The following LARP1B variants were observed in gnomAD, a reference collection of about 807,000 sequenced individuals.
LARP1B encodes la-related protein 1B.
LARP1B carries 76 observed loss-of-function variants against 114.2 expected under a neutral mutation model. That is an observed-to-expected ratio of 0.67 (90% CI 0.55 to 0.81). The LOEUF is 0.81. Ranked by LOEUF, LARP1B falls within the 30% of genes least tolerant of loss-of-function variation. The pLI is 0.00. For missense variants in LARP1B, 1,014 were observed against 1,075.8 expected (o/e 0.94, Z 0.80); for synonymous variants, 345 against 348.0 (o/e 0.99, Z 0.10).
At chr4:128,131,417 G>A (rs940237864) in intron 11 of LARP1B, among the ~76,000 whole-genome samples, 15 of 152,172 alleles carry the variant, frequency 9.9e-5, no homozygotes, top group Admixed American at 8.5e-4. Flanking sequence ...GTTTTTACCA[G>A]TCTGTGTGTG....
At chr4:128,175,944 A>G (rs1257051332) in intron 12 of LARP1B, among the ~76,000 whole-genome samples, 2 of 151,556 alleles carry the variant, frequency 1.3e-5, no homozygotes, top group African/African-American at 4.8e-5. Context: ...TTTATAGACC[A>G]TAATCTAGGT....
intron 11 of LARP1B, among the ~76,000 whole-genome samples, chr4:128,140,059 A>G (rs905499236): frequency 2.6e-5 from 4 of 152,226 alleles, no homozygotes; most frequent in Non-Finnish European, 4.4e-5. Context: ...AAGACTTAGT[A>G]ACAAAAAGGA....
At chr4:128,069,607 C>T in intron 1 of LARP1B, 2 of 683,648 alleles carry the variant, frequency 2.9e-6, no homozygotes, top group East Asian at 2.6e-5. Context: ...ACTTGTATGC[C>T]CCCATCTTGG....
chr4:128,076,894 T>G (rs1458328572), intron 3 of LARP1B, among the ~76,000 whole-genome samples: 1 of 151,938 alleles, frequency 6.6e-6, no homozygotes, highest in Non-Finnish European at 1.5e-5. Context: ...CCTGGCTAAT[T>G]TTTTTGTATT....
At chr4:128,201,062 A>G (rs1002402519) in intron 17 of LARP1B, among the ~76,000 whole-genome samples, 1 of 152,140 alleles carries the variant, frequency 6.6e-6, no homozygotes, top group Non-Finnish European at 1.5e-5. Context: ...GCTCATTCAC[A>G]TGGCTCTTGG....
intron 12 of LARP1B, among the ~76,000 whole-genome samples, chr4:128,171,839 A>G (rs928535777): frequency 6.6e-6 from 1 of 151,838 alleles, no homozygotes; most frequent in East Asian, 1.9e-4. Flanking sequence ...TCTGTCCTCC[A>G]TGGTTTTTGG....
intron 11 of LARP1B, among the ~76,000 whole-genome samples, chr4:128,153,086 G>T (rs1256999609): frequency 6.9e-6 from 1 of 144,782 alleles, no homozygotes; most frequent in African/African-American, 2.6e-5. Flanking sequence ...GGGTTCAAGC[G>T]ATTCTCCTGT....
At chr4:128,128,048 A>G (rs1414046513) in intron 11 of LARP1B, among the ~76,000 whole-genome samples, 1 of 152,212 alleles carries the variant, frequency 6.6e-6, no homozygotes, top group African/African-American at 2.4e-5. Flanking sequence ...TGTTTCAACA[A>G]CTGGGACTCT....
chr4:128,127,640 C>G (rs1790081352), intron 11 of LARP1B, among the ~76,000 whole-genome samples: 2 of 152,146 alleles, frequency 1.3e-5, no homozygotes, highest in South Asian at 4.1e-4. Flanking sequence ...TGGAGACCAG[C>G]CTGACCAACA....
At chr4:128,137,791 A>ATATATATATATATT (rs1414155026) in intron 11 of LARP1B, among the ~76,000 whole-genome samples, 6 of 63,558 alleles carry the variant, frequency 9.4e-5, no homozygotes, top group African/African-American at 2.9e-4. Context: ...ATATATATAT[A>ATATATATATATATT]TTTTTTTTTT....
In LARP1B at chr4:128,073,059, G is replaced by C. The variant is rs557174835; in HGVS notation, c.-77-1401G>C. 1.8e-4 allele frequency among the ~76,000 whole-genome samples: 28 copies of C among 152,188 alleles called. No individual in the cohort carries two copies. In the South Asian group the frequency reaches 5.6e-3, roughly 30 times the overall value. ...TTTCTTGATTCCTAGATAATTTCCT[G>C]AAAATGGAATTCTTTTATTAAAAGT... On this transcript the variant is annotated intron_variant, in intron 1 of 19. Coordinates refer to ENST00000326639, the MANE Select transcript of LARP1B (RefSeq NM_018078.4).
intron 11 of LARP1B, among the ~76,000 whole-genome samples, chr4:128,161,691 C>T (rs1480079992): frequency 6.6e-6 from 1 of 152,036 alleles, no homozygotes; most frequent in East Asian, 1.9e-4. Flanking sequence ...AATGTTTCTC[C>T]CTTTCTCTAA....
At chr4:128,123,691 G>A in intron 11 of LARP1B, 4 of 928,718 alleles carry the variant, frequency 4.3e-6, no homozygotes, top group Non-Finnish European at 5.1e-6. Flanking sequence ...AAATTATGGA[G>A]TAAACATTAT....
At chr4:128,076,966 A>G (rs1014540671) in intron 3 of LARP1B, among the ~76,000 whole-genome samples, 1 of 152,078 alleles carries the variant, frequency 6.6e-6, no homozygotes, top group African/African-American at 2.4e-5. Context: ...AGCTCAAGTG[A>G]TCTACCTGCC....
intron 7 of LARP1B, among the ~76,000 whole-genome samples, chr4:128,092,484 G>A (rs954572572): frequency 6.6e-6 from 1 of 152,072 alleles, no homozygotes; most frequent in Non-Finnish European, 1.5e-5. Flanking sequence ...TATTTATATA[G>A]TATGTTTTTA....
At position 128,121,990 on chromosome 4, in the gene LARP1B, C is replaced by T. The variant is rs1261192947; in HGVS notation, c.1326C>T (p.Asp442=). The part of the protein sequence containing the change: ...SDNDSDYEID[D]QDLNKILIVT... ...ATGATTCAGATTATGAAATTGATGA[C>T]CAAGACTTAAACAAGATTTTGATTG... Residue 442 remains aspartate (D), a synonymous_variant, in exon 11 of 20, where the codon GAC becomes GAT. Transcript: ENST00000326639. 4.3e-6 allele frequency: 7 copies of T among 1,612,978 alleles called. No homozygotes were observed. Among genetic ancestry groups the T allele is most frequent in the Non-Finnish European group, 5.9e-6 (7 of 1,179,948 alleles).
chr4:128,127,136 A>G (rs1192527699), intron 11 of LARP1B, among the ~76,000 whole-genome samples: 2 of 152,218 alleles, frequency 1.3e-5, no homozygotes, highest in Non-Finnish European at 2.9e-5. Context: ...TAGGCCTTGC[A>G]AAAATATCTT....
At chr4:128,163,569 A>G (rs908563288) in intron 12 of LARP1B, among the ~76,000 whole-genome samples, 2 of 152,138 alleles carry the variant, frequency 1.3e-5, no homozygotes, top group African/African-American at 2.4e-5. Flanking sequence ...TTTCCCCAGA[A>G]TATTTATTTA....
intron 9 of LARP1B, chr4:128,108,396 G>T: frequency 2.0e-6 from 2 of 987,060 alleles, no homozygotes; most frequent in Non-Finnish European, 2.4e-6. Flanking sequence ...GTTTCACTTG[G>T]ACATAAGACT....
Sources: allele counts gnomAD v4.1 joint callset (sites outside exome capture counted in the v4.1 genomes callset), GRCh38; gene constraint gnomAD v4.1.1; transcripts MANE v1.5; gene names NCBI Gene and HGNC (gene_info 2026-07-23, HGNC 2026-07-21).